EPHB1: variants seen among roughly 807,000 people sequenced by gnomAD.
The protein encoded by EPHB1 is EPH receptor B1, also known as ephrin type-B receptor 1.
A neutral mutation model predicts 94.4 loss-of-function variants in EPHB1; 30 were observed. The observed-to-expected ratio is 0.32, with a 90% CI of 0.24 to 0.43. The LOEUF (loss-of-function observed/expected upper bound fraction) is 0.43. EPHB1 is among the 20% of genes least tolerant of loss of function. The probability of loss-of-function intolerance (pLI) is 1.00; values close to 1 mark genes in which losing one functional copy is unlikely to be tolerated. For missense variants in EPHB1, 1,055 were observed against 1,308.3 expected (o/e 0.81, Z 2.99); for synonymous variants, 522 against 489.1 (o/e 1.07, Z -0.89).
intron 12 of EPHB1, among the ~76,000 whole-genome samples, chr3:135,215,151 T>G (rs542810380): frequency 6.6e-6 from 1 of 152,080 alleles, no homozygotes; most frequent in East Asian, 1.9e-4. Context: ...ATGTACAGTT[T>G]TCTTTTTTTC....
At chr3:134,928,019 C>T (rs2038826766) in intron 2 of EPHB1, among the ~76,000 whole-genome samples, 1 of 152,244 alleles carries the variant, frequency 6.6e-6, no homozygotes, top group Non-Finnish European at 1.5e-5. Context: ...ATTCTGTGAA[C>T]ACACCAGTGA....
At position 135,166,037 on chromosome 3, in the gene EPHB1, T is replaced by C; in HGVS notation, c.1655T>C (p.Phe552Ser). The C allele has an allele frequency of 6.2e-7, 1 of 1,613,930 alleles. No individual in the cohort carries two copies. ...IAGSAAAGVV[F>S]VVSLVAISIV... Reference sequence around the variant, plus strand: ...GGCTCGGCAGCGGCCGGGGTCGTGTTCGTTGTGTCCTTGGTGGCCATCTCT... The same window carrying C: ...GGCTCGGCAGCGGCCGGGGTCGTGTCCGTTGTGTCCTTGGTGGCCATCTCT... Residue 552 changes from phenylalanine (F) to serine (S), a missense_variant, in exon 8 of 16, where the codon TTC becomes TCC. Coordinates refer to ENST00000398015, the MANE Select transcript of EPHB1 (RefSeq NM_004441.5).
chr3:134,887,603 C>A (rs116504886), intron 1 of EPHB1, among the ~76,000 whole-genome samples: 1 of 152,110 alleles, frequency 6.6e-6, no homozygotes, highest in South Asian at 2.1e-4. Flanking sequence ...GATACTAACT[C>A]AAAGGATACC....
intron 4 of EPHB1, among the ~76,000 whole-genome samples, chr3:135,107,568 G>A (rs1939268991): frequency 6.6e-6 from 1 of 152,178 alleles, no homozygotes; most frequent in Non-Finnish European, 1.5e-5. Context: ...CTCCCTGTGA[G>A]CAGGGACCTT....
chr3:134,873,167 A>G (rs2037538859), intron 1 of EPHB1, among the ~76,000 whole-genome samples: 2 of 152,214 alleles, frequency 1.3e-5, no homozygotes, highest in South Asian at 2.1e-4. Flanking sequence ...CAAGAGAGAA[A>G]AAGGAAGGAG....
At chr3:135,048,385 T>A (rs1937072297) in intron 3 of EPHB1, among the ~76,000 whole-genome samples, 1 of 145,218 alleles carries the variant, frequency 6.9e-6, no homozygotes, top group East Asian at 2.3e-4. Flanking sequence ...TTCTCCCACC[T>A]CAGCCTCCCC....
intron 1 of EPHB1, among the ~76,000 whole-genome samples, chr3:134,903,050 C>T (rs764508693): frequency 1.5e-4 from 23 of 152,262 alleles, no homozygotes; most frequent in Non-Finnish European, 3.2e-4. Flanking sequence ...CTTTTCAGGA[C>T]ACATGGTCCT....
chr3:134,816,473 C>T (rs774065933), intron 1 of EPHB1, among the ~76,000 whole-genome samples: 4 of 152,128 alleles, frequency 2.6e-5, no homozygotes, highest in Non-Finnish European at 5.9e-5. Context: ...GAACAAACTA[C>T]ATAACCTCCC....
chr3:135,021,574 T>C (rs936221443), intron 3 of EPHB1, among the ~76,000 whole-genome samples: 1 of 152,072 alleles, frequency 6.6e-6, no homozygotes, highest in Non-Finnish European at 1.5e-5. Flanking sequence ...TTGTTTCCTT[T>C]GCAATTTCTA....
chr3:134,994,986 T>TTGTGTG (rs57873051), intron 3 of EPHB1, among the ~76,000 whole-genome samples: 11,278 of 148,330 alleles, frequency 0.076, 503 homozygotes, highest in African/African-American at 0.12. Flanking sequence ...TTACATACAC[T>TTGTGTG]TGTGTGTGTG....
At chr3:135,251,613 A>C (rs1428163525) in intron 15 of EPHB1, among the ~76,000 whole-genome samples, 1 of 152,246 alleles carries the variant, frequency 6.6e-6, no homozygotes, top group Non-Finnish European at 1.5e-5. Context: ...AACTTAATAA[A>C]ATAGATTGTG....
chr3:135,099,540 A>G (rs949612953), intron 3 of EPHB1, among the ~76,000 whole-genome samples: 2 of 152,212 alleles, frequency 1.3e-5, no homozygotes, highest in African/African-American at 4.8e-5. Context: ...TTGAGAATAG[A>G]CAGAGGAATC....
intron 3 of EPHB1, among the ~76,000 whole-genome samples, chr3:135,027,571 G>C (rs1454411614): frequency 6.7e-6 from 1 of 150,072 alleles, no homozygotes; most frequent in Non-Finnish European, 1.5e-5. Flanking sequence ...AAGCCCACTT[G>C]ATCATGGTGC....
intron 1 of EPHB1, among the ~76,000 whole-genome samples, chr3:134,809,367 C>T (rs909727587): frequency 1.7e-5 from 1 of 58,010 alleles, no homozygotes; most frequent in Non-Finnish European, 3.4e-5. Flanking sequence ...AGAAAAAGAA[C>T]AGATTTTTTT....
intron 1 of EPHB1, among the ~76,000 whole-genome samples, chr3:134,825,430 T>C (rs2036460286): frequency 6.6e-6 from 1 of 152,232 alleles, no homozygotes; most frequent in African/African-American, 2.4e-5. Flanking sequence ...TGAATGAGTG[T>C]CCCTTGCAGG....
At chr3:134,968,143 T>G (rs536223307) in intron 3 of EPHB1, among the ~76,000 whole-genome samples, 2 of 152,334 alleles carry the variant, frequency 1.3e-5, no homozygotes, top group Admixed American at 1.3e-4. Context: ...ATGGAGTGAC[T>G]TGTCTGGGCC....
intron 4 of EPHB1, among the ~76,000 whole-genome samples, chr3:135,127,493 C>A (rs1940251399): frequency 6.6e-6 from 1 of 152,148 alleles, no homozygotes; most frequent in Admixed American, 6.5e-5. Context: ...CTGGCTTCAG[C>A]AATGCACAAT....
chr3:134,926,364 C>T (rs1189459265), intron 2 of EPHB1, among the ~76,000 whole-genome samples: 1 of 152,164 alleles, frequency 6.6e-6, no homozygotes, highest in Non-Finnish European at 1.5e-5. Flanking sequence ...AGCTCGTGGC[C>T]TCCTGTGGGA....
intron 3 of EPHB1, among the ~76,000 whole-genome samples, chr3:134,958,924 T>A (rs753356905): frequency 6.6e-6 from 1 of 152,130 alleles, no homozygotes; most frequent in Non-Finnish European, 1.5e-5. Context: ...CTTTCTGCCT[T>A]TGAGACACAG....
Sources: gnomAD v4.1 joint callset for allele counts (sites outside exome capture counted in the v4.1 genomes callset) on GRCh38, gnomAD v4.1.1 for gene constraint, MANE v1.5 for transcripts, NCBI Gene and HGNC (gene_info 2026-07-23, HGNC 2026-07-21) for gene names.